Variants in FOXO1 observed in about 807,000 individuals in gnomAD.
The protein encoded by FOXO1 is forkhead box O1, also known as forkhead box protein O1.
FOXO1 carries 6 observed loss-of-function variants against 44.1 expected under a neutral mutation model. That is an observed-to-expected ratio of 0.14 (90% confidence interval 0.07 to 0.27). The LOEUF (loss-of-function observed/expected upper bound fraction) is 0.27. FOXO1 is among the 10% of genes least tolerant of loss of function. The pLI, the probability that FOXO1 is intolerant of heterozygous loss-of-function variation, is 1.00. For missense variants in FOXO1, 737 were observed against 888.8 expected (o/e 0.83, Z 2.17); for synonymous variants, 380 against 362.7 (o/e 1.05, Z -0.54).
At chr13:40,584,178 A>C (rs1437252761) in intron 1 of FOXO1, among the ~76,000 whole-genome samples, 1 of 152,064 alleles carries the variant, frequency 6.6e-6, no homozygotes, top group Non-Finnish European at 1.5e-5. Flanking sequence ...TTTTAATAAA[A>C]AGCTCCTCAA....
intron 1 of FOXO1, among the ~76,000 whole-genome samples, chr13:40,623,394 C>T (rs1876682663): frequency 6.6e-6 from 1 of 152,146 alleles, no homozygotes; most frequent in Non-Finnish European, 1.5e-5. Flanking sequence ...ACCCAGAAGA[C>T]AGATCGGTAA....
chr13:40,559,403 G>T, intron 2 of FOXO1, 106 bp downstream of exon 2: 1 of 1,006,462 alleles, frequency 9.9e-7, no homozygotes, highest in Non-Finnish European at 1.4e-6. Flanking sequence ...TCTCTGCAAG[G>T]GACAGTCAGT....
At chr13:40,566,220 G>A (rs1874263444) in intron 1 of FOXO1, among the ~76,000 whole-genome samples, 2 of 152,162 alleles carry the variant, frequency 1.3e-5, no homozygotes, top group South Asian at 2.1e-4. Flanking sequence ...TGGTTCTGAT[G>A]TTCTGTCTCT....
Position 40,615,566 on chromosome 13 carries a change from T to TACATACAC in FOXO1, c.630+50016_630+50017insGTGTATGT, listed in dbSNP as rs1555251109. On this transcript the variant is annotated intron_variant, in intron 1 of 2. Transcript: ENST00000379561. ...ATACATACATACATACATACATACA[T>TACATACAC]ACATACATACAGCAGAAGGGATGGT... 4.0e-4 allele frequency among the ~76,000 whole-genome samples: 48 copies of TACATACAC among 121,250 alleles called. 1 individual carries two copies. The highest frequency in any genetic ancestry group is 1.2e-3 in the Admixed American group (15 of 12,842). The allele number at this position is 121,250 out of a possible 152,430, so 79.5% of individuals were successfully genotyped here.
At chr13:40,640,204 C>T (rs1566082564) in intron 1 of FOXO1, among the ~76,000 whole-genome samples, 3 of 152,196 alleles carry the variant, frequency 2.0e-5, no homozygotes, top group Non-Finnish European at 4.4e-5. Context: ...GGGCCACACA[C>T]TTCATGCAAG....
At chr13:40,611,750 C>T (rs976725357) in intron 1 of FOXO1, among the ~76,000 whole-genome samples, 7 of 152,320 alleles carry the variant, frequency 4.6e-5, no homozygotes, top group Admixed American at 3.9e-4. Flanking sequence ...ATCACAGCTA[C>T]AGTACTGTCA....
chr13:40,666,132 C>T lies in FOXO1; in HGVS notation c.81G>A (p.Leu27=). Residue 27 remains leucine, a synonymous_variant, in exon 1 of 3, where the codon CTG becomes CTA. Coordinates refer to ENST00000379561, the MANE Select transcript of FOXO1 (RefSeq NM_002015.4). ...LPRPRSCTWP[L]PRPEFSQSNS... ...TGGACTGGCTAAACTCCGGCCTGGG[C>T]AGCGGCCAGGTGCACGAGCGCGGCC... 4 of 1,453,506 alleles carry T rather than the reference C, an allele frequency of 2.8e-6. No individual in the cohort carries two copies. Among genetic ancestry groups the T allele is most frequent in the Admixed American group, 2.5e-5 (1 of 40,410 alleles). The allele number at this position is 1,453,506 out of a possible 1,614,324, so 90.0% of individuals were successfully genotyped here.
chr13:40,640,371 C>CCTCTGAACTACACTACACTACACTACA (rs1287563047), intron 1 of FOXO1, among the ~76,000 whole-genome samples: 3 of 152,348 alleles, frequency 2.0e-5, no homozygotes, highest in Admixed American at 6.5e-5. Context: ...GTTACCACTG[C>CCTCTGAACTACACTACACTACACTACA]CTCTGAACTA....
chr13:40,586,002 T>C (rs1390502837), intron 1 of FOXO1, among the ~76,000 whole-genome samples: 1 of 152,188 alleles, frequency 6.6e-6, no homozygotes, highest in African/African-American at 2.4e-5. Flanking sequence ...ATTTCCCATA[T>C]ATGGCCAATT....
chr13:40,620,434 T>A, intron 1 of FOXO1: 2 of 655,156 alleles, frequency 3.1e-6, no homozygotes, highest in South Asian at 3.2e-5. Context: ...GAGAACGAGC[T>A]TGTTGAGCCA....
intron 1 of FOXO1, among the ~76,000 whole-genome samples, chr13:40,644,151 T>C (rs527702281): frequency 6.6e-6 from 1 of 152,306 alleles, no homozygotes; most frequent in East Asian, 1.9e-4. Flanking sequence ...CCAGTAAATA[T>C]ATCTAACCAG....
intron 1 of FOXO1, among the ~76,000 whole-genome samples, chr13:40,591,440 T>G (rs1875365395): frequency 6.6e-6 from 1 of 152,110 alleles, no homozygotes; most frequent in Non-Finnish European, 1.5e-5. Context: ...TTTGAGCAGC[T>G]GAAGGTCCAG....
At chr13:40,645,264 T>C (rs1472232034) in intron 1 of FOXO1, among the ~76,000 whole-genome samples, 3 of 152,222 alleles carry the variant, frequency 2.0e-5, no homozygotes, top group Non-Finnish European at 4.4e-5. Flanking sequence ...TCCCCTTCCC[T>C]GCTCATTTTA....
At chr13:40,627,983 G>T (rs1295005236) in intron 1 of FOXO1, among the ~76,000 whole-genome samples, 1 of 152,078 alleles carries the variant, frequency 6.6e-6, no homozygotes, top group African/African-American at 2.4e-5. Flanking sequence ...CCCTTGACTG[G>T]GTTGGCAGGG....
chr13:40,662,249 T>G (rs1878062159), intron 1 of FOXO1, among the ~76,000 whole-genome samples: 1 of 151,850 alleles, frequency 6.6e-6, no homozygotes, highest in South Asian at 2.1e-4. Context: ...ATCTAAAAAT[T>G]TATTTAACAA....
In FOXO1 at chr13:40,561,943, CA is replaced by C. The variant is rs60373589; in HGVS notation, c.631-1084del. ...CAACAAGAGTTAAACACTCTGTCGC[CA>C]AAAAAAAAAAAAAAAAAAGAATATA... is the stretch of plus-strand genomic sequence containing the variant. On this transcript the variant is annotated intron_variant, in intron 1 of 2. Coordinates refer to ENST00000379561, the MANE Select transcript of FOXO1 (RefSeq NM_002015.4). Among the ~76,000 whole-genome samples the C allele has an allele frequency of 2.3e-3, 153 of 67,572 alleles. 1 individual carries two copies. Among genetic ancestry groups the C allele is most frequent in the Non-Finnish European group, 3.0e-3 (95 of 32,146 alleles). 44.3% of individuals were successfully genotyped at this position (67,572 alleles called of 152,430 possible).
At chr13:40,589,376 CTG>C (rs1369775137) in intron 1 of FOXO1, among the ~76,000 whole-genome samples, 1 of 152,138 alleles carries the variant, frequency 6.6e-6, no homozygotes, top group African/African-American at 2.4e-5. Flanking sequence ...TGAGTACAGT[CTG>C]TATTATTTAT....
intron 1 of FOXO1, among the ~76,000 whole-genome samples, chr13:40,584,463 AAAATGC>A (rs1875071936): frequency 8.3e-6 from 1 of 121,190 alleles, no homozygotes; most frequent in South Asian, 3.2e-4. Flanking sequence ...ATCTCCACAA[AAAATGC>A]AAAAAAAAAA....
At chr13:40,587,348 A>C (rs1003106972) in intron 1 of FOXO1, among the ~76,000 whole-genome samples, 1 of 152,142 alleles carries the variant, frequency 6.6e-6, no homozygotes, top group South Asian at 2.1e-4. Context: ...AGATAGTGAA[A>C]GATTGATTAT....
Sources: gnomAD v4.1 joint callset for allele counts (sites outside exome capture counted in the v4.1 genomes callset) on GRCh38, gnomAD v4.1.1 for gene constraint, MANE v1.5 for transcripts, NCBI Gene and HGNC (gene_info 2026-07-23, HGNC 2026-07-21) for gene names.